Variants in CNTN1 observed in about 807,000 individuals in gnomAD.
CNTN1 encodes contactin-1.
CNTN1 carries 38 observed loss-of-function variants against 126.4 expected under a neutral mutation model. The ratio of observed to expected loss-of-function variants is 0.30; its 90% CI spans 0.23 to 0.39. The LOEUF (loss-of-function observed/expected upper bound fraction) is 0.39. CNTN1 is among the 10% of genes least tolerant of loss of function. The probability of loss-of-function intolerance (pLI) is 1.00; values close to 1 mark genes in which losing one functional copy is unlikely to be tolerated. For missense variants in CNTN1, 1,009 were observed against 1,248.4 expected, an observed-to-expected ratio of 0.81 and a Z score of 2.89; for synonymous variants, 413 against 422.6, an observed-to-expected ratio of 0.98 and a Z score of 0.28.
At chr12:40,892,094 A>G (rs1474057513) in intron 1 of CNTN1, among the ~76,000 whole-genome samples, 1 of 152,138 alleles carries the variant, frequency 6.6e-6, no homozygotes, top group African/African-American at 2.4e-5. Flanking sequence ...AGCCCTGTCT[A>G]AAACGTTTAC....
intron 23 of CNTN1, among the ~76,000 whole-genome samples, chr12:41,058,872 T>A (rs1949882826): frequency 6.6e-6 from 1 of 152,182 alleles, no homozygotes; most frequent in Admixed American, 6.5e-5. Context: ...AGACTATAGT[T>A]AAAATAGCTG....
At chr12:40,705,099 G>A (rs1318703777) in intron 1 of CNTN1, among the ~76,000 whole-genome samples, 1 of 152,042 alleles carries the variant, frequency 6.6e-6, no homozygotes, top group Admixed American at 6.6e-5. Context: ...TCTCTTTTTA[G>A]TGCCTTCATT....
chr12:41,068,073 T>G (rs1950085739), intron 23 of CNTN1, among the ~76,000 whole-genome samples: 1 of 152,144 alleles, frequency 6.6e-6, no homozygotes, highest in African/African-American at 2.4e-5. Flanking sequence ...CTAAAACCAG[T>G]CCCTTGCTAA....
intron 1 of CNTN1, among the ~76,000 whole-genome samples, chr12:40,901,443 GA>G (rs1322872204): frequency 6.6e-6 from 1 of 152,124 alleles, no homozygotes; most frequent in Non-Finnish European, 1.5e-5. Context: ...GATTTCTATG[GA>G]AATAGCTCAA....
At chr12:40,984,256 T>C (rs1353404597) in intron 16 of CNTN1, among the ~76,000 whole-genome samples, 1 of 152,108 alleles carries the variant, frequency 6.6e-6, no homozygotes, top group Non-Finnish European at 1.5e-5. Context: ...ATCCTTTATA[T>C]TTACTACTTC....
intron 23 of CNTN1, among the ~76,000 whole-genome samples, chr12:41,069,368 A>T (rs1335170894): frequency 6.6e-6 from 1 of 152,200 alleles, no homozygotes; most frequent in Non-Finnish European, 1.5e-5. Flanking sequence ...TGCAAGATTT[A>T]CCTAGCATAC....
chr12:40,747,496 AG>A (rs1291447416), intron 1 of CNTN1, among the ~76,000 whole-genome samples: 2 of 152,088 alleles, frequency 1.3e-5, no homozygotes, highest in Non-Finnish European at 2.9e-5. Context: ...ACAAGTGATG[AG>A]GTGGCTGGCC....
intron 1 of CNTN1, among the ~76,000 whole-genome samples, chr12:40,695,142 C>T: frequency 6.6e-6 from 1 of 152,174 alleles, no homozygotes; most frequent in East Asian, 1.9e-4. Context: ...AAAAAGACTA[C>T]ACTTATAATC....
chr12:41,036,542 T>C (rs1296895834), intron 23 of CNTN1, among the ~76,000 whole-genome samples: 1 of 152,078 alleles, frequency 6.6e-6, no homozygotes, highest in Non-Finnish European at 1.5e-5. Flanking sequence ...AGTAGCACCA[T>C]TAAAATTATA....
chr12:40,846,345 G>A (rs1942500521), intron 1 of CNTN1, among the ~76,000 whole-genome samples: 1 of 152,190 alleles, frequency 6.6e-6, no homozygotes, highest in Admixed American at 6.5e-5. Context: ...GCGGGCGCCT[G>A]CAGTCCCAGC....
chr12:40,959,394 T>G (rs1380941006), intron 15 of CNTN1, among the ~76,000 whole-genome samples, 160 bp downstream of exon 15: 1 of 152,116 alleles, frequency 6.6e-6, no homozygotes. Flanking sequence ...CTAAGAATGA[T>G]CTATGCCAGA....
At chr12:40,933,344 T>C (rs1565979867) in intron 7 of CNTN1, 117 bp from the exon 8 acceptor site, 2 of 766,240 alleles carry the variant, frequency 2.6e-6, no homozygotes, top group Non-Finnish European at 4.7e-6. Flanking sequence ...GACCTGTACC[T>C]GTACAGAGAA....
intron 23 of CNTN1, 28 bp from the exon 24 acceptor site, chr12:41,069,931 A>T (rs1426345210): frequency 1.3e-6 from 2 of 1,580,408 alleles, no homozygotes; most frequent in African/African-American, 1.3e-5. Context: ...CAATGAAATA[A>T]TATGCACACT....
At chr12:40,882,847 TTTTTTCTTACTTGCTTTGCACA>T (rs975893222) in intron 1 of CNTN1, among the ~76,000 whole-genome samples, 1 of 151,662 alleles carries the variant, frequency 6.6e-6, no homozygotes, top group Non-Finnish European at 1.5e-5. Flanking sequence ...TAAAATTATT[TTTTTTCTTACTTGCTTTGCACA>T]TATGAAGCTT....
At chr12:40,925,765 A>T (rs1255868416) in intron 6 of CNTN1, among the ~76,000 whole-genome samples, 1 of 142,484 alleles carries the variant, frequency 7.0e-6, no homozygotes, top group Non-Finnish European at 1.5e-5. Context: ...CACCCTTTCA[A>T]TGAGAAAAAC....
intron 1 of CNTN1, among the ~76,000 whole-genome samples, chr12:40,782,839 C>T (rs570427206): frequency 3.6e-4 from 54 of 151,650 alleles, no homozygotes; most frequent in Middle Eastern, 3.2e-3. Flanking sequence ...TTTAAAATGA[C>T]GAATTGTCTA....
At chr12:40,956,190 G>T (rs1228463720) in intron 14 of CNTN1, among the ~76,000 whole-genome samples, 2 of 152,050 alleles carry the variant, frequency 1.3e-5, no homozygotes, top group East Asian at 1.9e-4. Context: ...TTCAAACAAG[G>T]CATATTTAGC....
At chr12:40,865,126 G>T (rs770361156) in intron 1 of CNTN1, among the ~76,000 whole-genome samples, 2 of 152,198 alleles carry the variant, frequency 1.3e-5, no homozygotes, top group East Asian at 1.9e-4. Context: ...TGCGATCATT[G>T]TCCATCTGTG....
intron 5 of CNTN1, 132 bp from the exon 6 acceptor site, chr12:40,924,425 C>T (rs1333191796): frequency 3.7e-5 from 25 of 672,530 alleles, no homozygotes; most frequent in Non-Finnish European, 2.8e-6. Context: ...GCTGACTTTA[C>T]TAGGCTTCAC....
Sources: allele counts gnomAD v4.1 joint callset (sites outside exome capture counted in the v4.1 genomes callset), GRCh38; gene constraint gnomAD v4.1.1; transcripts MANE v1.5; gene names NCBI Gene and HGNC (gene_info 2026-07-23, HGNC 2026-07-21).